GOLGA4: variants seen among roughly 807,000 people sequenced by gnomAD.
GOLGA4 encodes golgin subfamily A member 4.
GOLGA4 carries 169 observed loss-of-function variants against 265.9 expected under a neutral mutation model. That is an observed-to-expected ratio of 0.64 (90% CI 0.56 to 0.72). GOLGA4 has a LOEUF of 0.72. Among genes scored for constraint, GOLGA4 ranks in the 30% least tolerant of loss-of-function variants. The probability of loss-of-function intolerance (pLI) is 0.00; values close to 1 mark genes in which losing one functional copy is unlikely to be tolerated. For synonymous variants in GOLGA4, 923 were observed against 855.8 expected, an observed-to-expected ratio of 1.08 and a Z score of -1.37; for missense variants, 2,482 against 2,483.4, an observed-to-expected ratio of 1.00 and a Z score of 0.01.
intron 2 of GOLGA4, among the ~76,000 whole-genome samples, chr3:37,271,876 G>A (rs112737080): frequency 0.07 from 10,639 of 152,234 alleles, 524 homozygotes; most frequent in Non-Finnish European, 0.1. Context: ...TACCACTTGA[G>A]CTCTGCCTCC....
chr3:37,299,251 T>C, intron 8 of GOLGA4, 37 bp from the exon 9 acceptor site: 2 of 1,298,186 alleles, frequency 1.5e-6, no homozygotes, highest in East Asian at 2.3e-5. Flanking sequence ...GAAGAAGCTT[T>C]ATTAGAGATG....
intron 2 of GOLGA4, among the ~76,000 whole-genome samples, chr3:37,260,806 T>C (rs1342960081): frequency 6.6e-6 from 1 of 152,074 alleles, no homozygotes; most frequent in Non-Finnish European, 1.5e-5. Context: ...TGAAAAGGAA[T>C]CTAAAAATCA....
rs550857013 is a variant in GOLGA4 at position 37,258,059 on chromosome 3, A to G, written c.162+6575A>G. The stretch of plus-strand genomic sequence containing the variant: ...TATATATACATACATATATATATGT[A>G]TGTATATATGTATATATATATGTGT... On this transcript the variant is annotated intron_variant, in intron 2 of 23. Coordinates refer to ENST00000361924, the MANE Select transcript of GOLGA4 (RefSeq NM_002078.5). 5.3e-3 allele frequency among the ~76,000 whole-genome samples: 412 copies of G among 78,394 alleles called. 48 individuals are homozygous for G. The highest frequency in any genetic ancestry group is 0.01 in the Non-Finnish European group (345 of 34,112). 51.4% of individuals were successfully genotyped at this position (78,394 alleles called of 152,430 possible).
chr3:37,252,004 GT>G (rs1355379101), intron 2 of GOLGA4, among the ~76,000 whole-genome samples: 1 of 152,150 alleles, frequency 6.6e-6, no homozygotes, highest in Non-Finnish European at 1.5e-5. Context: ...AATAGTTGAA[GT>G]TTTCAGAATA....
At chr3:37,259,541 A>G (rs970692685) in intron 2 of GOLGA4, among the ~76,000 whole-genome samples, 2 of 152,086 alleles carry the variant, frequency 1.3e-5, no homozygotes, top group Non-Finnish European at 2.9e-5. Flanking sequence ...CCTGATTTTC[A>G]TGATATGAGT....
chr3:37,314,727 G>A (rs972515417), intron 10 of GOLGA4, among the ~76,000 whole-genome samples: 1 of 151,492 alleles, frequency 6.6e-6, no homozygotes, highest in Non-Finnish European at 1.5e-5. Context: ...TTTTTGCAGA[G>A]CCTGAATTCT....
chr3:37,337,177 TTC>T lies in GOLGA4; in HGVS notation c.6327+16_6327+17del. The stretch of plus-strand genomic sequence containing the variant: ...ATGGAGCTACAGGTAAGGCTAGTTC[TTC>T]TTTTTTTTTTTTTCTTTTTTTTCTT... On this transcript the variant is annotated intron_variant, in intron 18 of 23. Coordinates refer to ENST00000361924, the MANE Select transcript of GOLGA4 (RefSeq NM_002078.5). 1 of 1,386,332 alleles carries T rather than the reference TTC, an allele frequency of 7.2e-7. No individual in the cohort carries two copies. The highest frequency in any genetic ancestry group is 1.0e-6 in the Non-Finnish European group (1 of 1,002,656). The allele number at this position is 1,386,332 out of a possible 1,614,324, so 85.9% of individuals were successfully genotyped here.
In GOLGA4 at chr3:37,337,719, A is replaced by C; in HGVS notation, c.6381A>C (p.Gln2127His). 6.2e-7 allele frequency: 1 copy of C among 1,606,266 alleles called. No homozygotes were observed. The highest frequency in any genetic ancestry group is 8.5e-7 in the Non-Finnish European group (1 of 1,172,838). ...TLISDSKLKE[Q>H]EFREQIHNLE... is the part of the protein sequence containing the mutation. The stretch of plus-strand genomic sequence containing the variant: ...TCAGTGATTCGAAATTGAAAGAGCA[A>C]GAGTTCAGAGAACAGGTACAGGCCT... The change falls in exon 19 of 24, where the codon CAA becomes CAC. Residue 2127 changes from glutamine (Q) to histidine (H), a missense_variant. Around this residue, in one of 3 missense-constraint regions of GOLGA4, gnomAD observed 942 missense variants for 983.1 expected, o/e 0.96. Transcript: ENST00000361924.
intron 2 of GOLGA4, among the ~76,000 whole-genome samples, chr3:37,252,083 A>T (rs2150598995): frequency 6.6e-6 from 1 of 152,310 alleles, no homozygotes; most frequent in African/African-American, 2.4e-5. Context: ...GAAGTAACTT[A>T]TTTAACTTAT....
intron 9 of GOLGA4, among the ~76,000 whole-genome samples, chr3:37,300,427 A>G (rs1313633034): frequency 1.3e-5 from 2 of 152,098 alleles, no homozygotes; most frequent in Non-Finnish European, 2.9e-5. Context: ...AATCTTTTTC[A>G]TCCTTTTGAT....
intron 5 of GOLGA4, among the ~76,000 whole-genome samples, chr3:37,294,263 G>GT (rs1463530373): frequency 6.6e-6 from 1 of 152,048 alleles, no homozygotes; most frequent in East Asian, 1.9e-4. Flanking sequence ...ACTTTCATAT[G>GT]TTGGGAGGAG....
Position 37,243,575 on chromosome 3 carries a change from A to T in GOLGA4, c.25A>T (p.Ile9Phe). 1 of 1,614,014 alleles carries T rather than the reference A, an allele frequency of 6.2e-7. No individual in the cohort carries two copies. Among genetic ancestry groups the T allele is most frequent in the Non-Finnish European group, 8.5e-7 (1 of 1,179,964 alleles). Reference protein sequence around the residue: MFKKLKQKISEEQQQLQQA... With the variant: MFKKLKQKFSEEQQQLQQA... Reference sequence around the variant, plus strand: ...CATGTTCAAGAAACTGAAGCAAAAGATCAGCGAGGAGCAGCAGCAGCTCCA... The same window carrying T: ...CATGTTCAAGAAACTGAAGCAAAAGTTCAGCGAGGAGCAGCAGCAGCTCCA... The change falls in exon 1 of 24, where the codon ATC becomes TTC. Residue 9 changes from isoleucine to phenylalanine, a missense_variant. Physicochemically the swap from Ile to Phe is conservative, Grantham distance 21. This residue lies in a region of GOLGA4 where 1,536 missense variants were observed against 1,483.7 expected (regional missense o/e 1.04). Transcript: ENST00000361924.
chr3:37,345,947 A>C (rs2097054806), intron 20 of GOLGA4, among the ~76,000 whole-genome samples: 1 of 144,364 alleles, frequency 6.9e-6, no homozygotes. Context: ...ACTCCATCTC[A>C]AAAAAAAAAA....
intron 23 of GOLGA4, among the ~76,000 whole-genome samples, chr3:37,362,065 T>C (rs1400029799): frequency 1.3e-5 from 2 of 152,130 alleles, no homozygotes; most frequent in Admixed American, 6.5e-5. Flanking sequence ...TTTCACAAAA[T>C]CAAAAACAGA....
chr3:37,270,734 A>G (rs549678083), intron 2 of GOLGA4, among the ~76,000 whole-genome samples: 131 of 152,074 alleles, frequency 8.6e-4, no homozygotes, highest in Non-Finnish European at 1.2e-3. Context: ...ATTGTCCCCA[A>G]CCTTTTTGGG....
intron 4 of GOLGA4, among the ~76,000 whole-genome samples, chr3:37,286,406 G>A (rs1361957743): frequency 6.6e-6 from 1 of 152,018 alleles, no homozygotes; most frequent in African/African-American, 2.4e-5. Flanking sequence ...ACCCGCCTCG[G>A]CCTCCCAAAG....
At chr3:37,254,900 T>C (rs2096744303) in intron 2 of GOLGA4, among the ~76,000 whole-genome samples, 1 of 148,138 alleles carries the variant, frequency 6.8e-6, no homozygotes, top group Non-Finnish European at 1.5e-5. Context: ...TAAATTAGCT[T>C]ATATATTATA....
intron 5 of GOLGA4, among the ~76,000 whole-genome samples, chr3:37,290,531 G>T (rs2096862077): frequency 6.6e-6 from 1 of 151,978 alleles, no homozygotes; most frequent in Non-Finnish European, 1.5e-5. Flanking sequence ...TGAAAACCAG[G>T]CTAATTTACT....
chr3:37,267,973 A>G (rs2096788016), intron 2 of GOLGA4, among the ~76,000 whole-genome samples: 1 of 152,166 alleles, frequency 6.6e-6, no homozygotes, highest in Non-Finnish European at 1.5e-5. Context: ...TCTCAGGGAA[A>G]AGTGGTCTCT....
Sources: gnomAD v4.1 joint callset for allele counts (sites outside exome capture counted in the v4.1 genomes callset) on GRCh38, gnomAD v4.1.1 for gene constraint, gnomAD v4.1.1 regional missense constraint, MANE v1.5 for transcripts, NCBI Gene and HGNC (gene_info 2026-07-23, HGNC 2026-07-21) for gene names.